The following RBM33 variants were observed in gnomAD, a reference collection of about 807,000 sequenced individuals.
The protein encoded by RBM33 is RNA-binding protein 33.
In RBM33, 28 loss-of-function variants were observed where a neutral mutation model predicts 132.6. The ratio of observed to expected loss-of-function variants is 0.21; its 90% CI spans 0.16 to 0.29. RBM33 has a LOEUF of 0.29. Ranked by LOEUF, RBM33 falls within the 10% of genes least tolerant of loss-of-function variation. The pLI is 1.00. For synonymous variants in RBM33, 634 were observed against 593.0 expected (o/e 1.07, Z -1.01); for missense variants, 1,291 against 1,518.5 (o/e 0.85, Z 2.49).
At chr7:155,766,772 G>T in intron 16 of RBM33, 117 bp downstream of exon 16, 1 of 991,116 alleles carries the variant, frequency 1.0e-6, no homozygotes. Flanking sequence ...AATAATACTT[G>T]GGAAGTAAGA....
At chr7:155,712,927 TGAGAG>T (rs1800349187) in intron 8 of RBM33, among the ~76,000 whole-genome samples, 1 of 152,290 alleles carries the variant, frequency 6.6e-6, no homozygotes, top group African/African-American at 2.4e-5. Flanking sequence ...GCTGCCGTGT[TGAGAG>T]GAGACTGTCG....
intron 8 of RBM33, among the ~76,000 whole-genome samples, chr7:155,714,610 A>C (rs1800405153): frequency 6.6e-6 from 1 of 152,130 alleles, no homozygotes; most frequent in African/African-American, 2.4e-5. Context: ...ATCAAGAAGG[A>C]GCCCTTCTAC....
chr7:155,746,777 T>C (rs1167130761), intron 14 of RBM33: 2 of 152,240 alleles, frequency 1.3e-5, no homozygotes, highest in Non-Finnish European at 2.9e-5. Flanking sequence ...CAATTTATAT[T>C]ATAAACTGAG....
chr7:155,745,061 A>G lies in RBM33; in HGVS notation c.2438A>G (p.Gln813Arg), dbSNP rs528583082. 4 of 1,608,156 alleles carry G rather than the reference A, an allele frequency of 2.5e-6. No individual in the cohort carries two copies. Among genetic ancestry groups the G allele is most frequent in the South Asian group, 2.2e-5 (2 of 90,202 alleles). ...CTGAAACAGAAGGAGTTACGGCGGCAGCAGCAGGCTGGTGCCAGGAAGAAG... is the reference window on the plus strand; with the variant it reads ...CTGAAACAGAAGGAGTTACGGCGGCGGCAGCAGGCTGGTGCCAGGAAGAAG... ...EILKQKELRRQQQAGARKKEL... is the reference protein window; with the variant it reads ...EILKQKELRRRQQAGARKKEL... The change falls in exon 14 of 18, where the codon CAG (glutamine) becomes CGG (arginine). Residue 813 changes from glutamine (Q) to arginine (R), a missense_variant. By Grantham distance (43) the Gln-to-Arg change is conservative. This residue lies in a region of RBM33 where 841 missense variants were observed against 912.0 expected (regional missense o/e 0.92). Transcript: ENST00000401878. The surrounding 1 kb of genome is among the most constrained non-coding windows in gnomAD (Gnocchi z 4.1).
At chr7:155,650,905 C>T (rs183989030) in intron 1 of RBM33, among the ~76,000 whole-genome samples, 3 of 152,268 alleles carry the variant, frequency 2.0e-5, no homozygotes, top group South Asian at 2.1e-4. Flanking sequence ...GACGGACTCT[C>T]GCTCTATCGC....
intron 3 of RBM33, among the ~76,000 whole-genome samples, chr7:155,673,800 A>G (rs113783677): frequency 7.0e-5 from 10 of 141,858 alleles, no homozygotes; most frequent in Admixed American, 6.9e-4. Flanking sequence ...ACACACACAC[A>G]CCCCTACCAG....
At position 155,731,527 on chromosome 7, in the gene RBM33, C is replaced by T. The variant is rs115229740; in HGVS notation, c.1261-6003C>T. 6.5e-3 allele frequency among the ~76,000 whole-genome samples: 984 copies of T among 152,250 alleles called. 8 individuals are homozygous for T. The highest frequency in any genetic ancestry group is 0.022 in the African/African-American group (913 of 41,516). On this transcript the variant is annotated intron_variant, in intron 9 of 17. Coordinates refer to ENST00000401878, the MANE Select transcript of RBM33 (RefSeq NM_053043.3). ...GTGACAGTCAATCTAATAACCAAGA[C>T]GTTGACCAAGTGACTAATGGGCTAG...
At position 155,684,542 on chromosome 7, in the gene RBM33, C is replaced by T. The variant is rs550906804; in HGVS notation, c.567+3634C>T. 1.4e-3 allele frequency among the ~76,000 whole-genome samples: 216 copies of T among 152,284 alleles called. 4 individuals are homozygous for T. The highest frequency in any genetic ancestry group is 5.0e-3 in the African/African-American group (206 of 41,560). On this transcript the variant is annotated intron_variant, in intron 5 of 17. Transcript: ENST00000401878. The stretch of plus-strand genomic sequence containing the variant: ...GTTTAATTGCTGACACTTTTGTTGT[C>T]TTACATTGCCACAAAAATAGAGTTG...
intron 2 of RBM33, among the ~76,000 whole-genome samples, chr7:155,669,068 G>A (rs1265253014): frequency 1.3e-5 from 2 of 152,068 alleles, no homozygotes; most frequent in African/African-American, 4.8e-5. Context: ...CTTCAGTGAC[G>A]TGTTTGCATC....
chr7:155,686,707 C>T (rs556349001), intron 5 of RBM33, among the ~76,000 whole-genome samples: 2 of 152,122 alleles, frequency 1.3e-5, no homozygotes, highest in East Asian at 3.9e-4. Flanking sequence ...TCAGTTCCCA[C>T]CTATGAGTGA....
intron 1 of RBM33, among the ~76,000 whole-genome samples, chr7:155,654,435 G>A (rs145311165): frequency 2.0e-5 from 3 of 152,120 alleles, no homozygotes; most frequent in African/African-American, 7.2e-5. Flanking sequence ...AACTGAGGCT[G>A]TGTTGCATAT....
At position 155,750,168 on chromosome 7, in the gene RBM33, A is replaced by G. The variant is rs896030852; in HGVS notation, c.2979+4566A>G. 3.9e-5 allele frequency among the ~76,000 whole-genome samples: 6 copies of G among 152,322 alleles called. No homozygotes were observed. In the Middle Eastern group the frequency reaches 0.014, roughly 348 times the overall value. On this transcript the variant is annotated intron_variant, in intron 14 of 17. Coordinates refer to ENST00000401878, the MANE Select transcript of RBM33 (RefSeq NM_053043.3). ...CATCTGTAGAATTATATTTCATGGAATGGTTCTCTTTTAATTACTTAGAAT... is the reference window on the plus strand; with the variant it reads ...CATCTGTAGAATTATATTTCATGGAGTGGTTCTCTTTTAATTACTTAGAAT...
intron 6 of RBM33, among the ~76,000 whole-genome samples, chr7:155,703,275 A>G (rs1800018764): frequency 6.6e-6 from 1 of 152,160 alleles, no homozygotes; most frequent in South Asian, 2.1e-4. Context: ...TTTTTAAGGC[A>G]TCTGGAAACT....
At chr7:155,667,605 C>T (rs4716892) in intron 2 of RBM33, among the ~76,000 whole-genome samples, 112,539 of 151,932 alleles carry the variant, frequency 0.74, 41,924 homozygotes, top group South Asian at 0.8. Flanking sequence ...GGCCATTTAT[C>T]TTGGGTTTGC....
At chr7:155,712,780 C>T (rs569204150) in intron 8 of RBM33, among the ~76,000 whole-genome samples, 1 of 152,336 alleles carries the variant, frequency 6.6e-6, no homozygotes, top group Admixed American at 6.5e-5. Flanking sequence ...AGAAGAAATG[C>T]AGAACCTGGG....
At chr7:155,706,640 T>C (rs534068197) in intron 6 of RBM33, among the ~76,000 whole-genome samples, 1 of 152,296 alleles carries the variant, frequency 6.6e-6, no homozygotes, top group East Asian at 1.9e-4. Context: ...ACTTGCATTG[T>C]GTCATAACGG....
chr7:155,693,187 A>AT (rs1467570808), intron 5 of RBM33, among the ~76,000 whole-genome samples: 2 of 152,196 alleles, frequency 1.3e-5, no homozygotes, highest in Admixed American at 6.5e-5. Context: ...TGATTTAAAA[A>AT]TTTTTTTACT....
At chr7:155,704,944 C>T (rs1800071779) in intron 6 of RBM33, among the ~76,000 whole-genome samples, 1 of 151,898 alleles carries the variant, frequency 6.6e-6, no homozygotes, top group Non-Finnish European at 1.5e-5. Context: ...TTAAAATTTT[C>T]TTGATTCAGT....
At chr7:155,649,441 T>C (rs1454710541) in intron 1 of RBM33, among the ~76,000 whole-genome samples, 3 of 152,240 alleles carry the variant, frequency 2.0e-5, no homozygotes, top group Non-Finnish European at 2.9e-5. Context: ...TCTGTATGAA[T>C]CTGAAAAAAT....
Sources: allele counts gnomAD v4.1 joint callset (sites outside exome capture counted in the v4.1 genomes callset), GRCh38; gene constraint gnomAD v4.1.1; regional missense constraint gnomAD v4.1.1; non-coding constraint Gnocchi (gnomAD v3.1); transcripts MANE v1.5; gene names NCBI Gene and HGNC (gene_info 2026-07-23, HGNC 2026-07-21).